PARN: variants seen among roughly 807,000 people sequenced by gnomAD.
PARN encodes the protein poly(A)-specific ribonuclease PARN.
PARN carries 71 observed loss-of-function variants against 102.8 expected under a neutral mutation model. The observed-to-expected ratio is 0.69, with a 90% CI of 0.57 to 0.84. The LOEUF is 0.84. Among genes scored for constraint, PARN ranks in the 40% least tolerant of loss-of-function variants. The probability of loss-of-function intolerance (pLI) is 0.00; values close to 1 mark genes in which losing one functional copy is unlikely to be tolerated. For synonymous variants in PARN, 261 were observed against 252.9 expected, an observed-to-expected ratio of 1.03 and a Z score of -0.30; for missense variants, 782 against 760.9, an observed-to-expected ratio of 1.03 and a Z score of -0.33.
At chr16:14,550,926 T>A (rs769433401) in intron 21 of PARN, among the ~76,000 whole-genome samples, 2 of 152,032 alleles carry the variant, frequency 1.3e-5, no homozygotes, top group Non-Finnish European at 2.9e-5. Flanking sequence ...TTATTTAGGA[T>A]CCTACAAGAG....
chr16:14,574,936 T>C (rs1448377379), intron 18 of PARN, among the ~76,000 whole-genome samples: 1 of 152,164 alleles, frequency 6.6e-6, no homozygotes, highest in African/African-American at 2.4e-5. Flanking sequence ...CAGCCATGAC[T>C]AAAAGTGGCC....
chr16:14,450,089 C>A (rs180748910), intron 22 of PARN, among the ~76,000 whole-genome samples: 2 of 152,134 alleles, frequency 1.3e-5, no homozygotes, highest in African/African-American at 4.8e-5. Context: ...TGGTTGAATA[C>A]GCAACAGTAC....
Position 14,446,007 on chromosome 16 carries a change from T to A in PARN, c.1864+881A>T, listed in dbSNP as rs143910558. Among the ~76,000 whole-genome samples the A allele has an allele frequency of 1.0e-3, 155 of 152,368 alleles. 1 individual carries two copies. Among genetic ancestry groups the A allele is most frequent in the African/African-American group, 3.4e-3 (142 of 41,586 alleles). On this transcript the variant is annotated intron_variant, in intron 23 of 23. Transcript: ENST00000437198. Reference sequence around the variant, plus strand: ...TAAATGAAAGAATTTCAGTTACACATTAAGCACTGTCCTGGCTCCAGTAAT... The same window carrying A: ...TAAATGAAAGAATTTCAGTTACACAATAAGCACTGTCCTGGCTCCAGTAAT...
rs56768991 is a variant in PARN, at chr16:14,470,437, GATTATT to G, written c.1670+12195_1670+12200del. Among the ~76,000 whole-genome samples, 123 of 147,158 alleles carry G rather than the reference GATTATT, an allele frequency of 8.4e-4. 1 individual carries two copies. The highest frequency in any genetic ancestry group is 7.1e-3 in the Middle Eastern group (2 of 280). On this transcript the variant is annotated intron_variant, in intron 22 of 23. Transcript: ENST00000437198. ...ACTATAGAAATCTTAGAGTTTGGAT[GATTATT>G]ATTATTATTATTATTATTATTATTA...
chr16:14,536,737 C>T lies in PARN; in HGVS notation c.1480+15284G>A, dbSNP rs141432569. On this transcript the variant is annotated intron_variant, in intron 21 of 23. Transcript: ENST00000437198. ...TAATAAAAATAAGTGGTATGTGAAA[C>T]GCTTGTGACATGATTAATTAAAAAA... is the stretch of plus-strand genomic sequence containing the variant. Among the ~76,000 whole-genome samples, 97 of 152,158 alleles carry T rather than the reference C, an allele frequency of 6.4e-4. 1 individual carries two copies. Among genetic ancestry groups the T allele is most frequent in the African/African-American group, 2.0e-3 (82 of 41,504 alleles).
chr16:14,466,644 T>C (rs1468864077), intron 22 of PARN, among the ~76,000 whole-genome samples: 2 of 152,186 alleles, frequency 1.3e-5, no homozygotes, highest in South Asian at 2.1e-4. Context: ...AAGAATACAT[T>C]ACATTTCTTC....
rs867033827 is a variant in PARN at position 14,456,927 on chromosome 16, G to A, written c.1671-9846C>T. ...CGCCTCTGCCTTGCCTCTTATTTATGTCCTTACTTATCTATTCTCTCTCTC... is the reference window on the plus strand; with the variant it reads ...CGCCTCTGCCTTGCCTCTTATTTATATCCTTACTTATCTATTCTCTCTCTC... On this transcript the variant is annotated intron_variant, in intron 22 of 23. Coordinates refer to ENST00000437198, the MANE Select transcript of PARN (RefSeq NM_002582.4). Among the ~76,000 whole-genome samples the A allele has an allele frequency of 4.6e-5, 7 of 152,172 alleles. No individual in the cohort carries two copies. The East Asian group carries it at 1.4e-3, about 29-fold the overall frequency.
chr16:14,618,648 G>T (rs1972087042), intron 5 of PARN, among the ~76,000 whole-genome samples: 1 of 144,860 alleles, frequency 6.9e-6, no homozygotes, highest in Non-Finnish European at 1.5e-5. Flanking sequence ...GAGAGAGCAA[G>T]ACTGTCTCAA....
intron 12 of PARN, among the ~76,000 whole-genome samples, chr16:14,595,070 C>A (rs1970418106): frequency 1.3e-5 from 2 of 152,178 alleles, no homozygotes; most frequent in South Asian, 4.1e-4. Flanking sequence ...TGACTAGATA[C>A]TGTAAGGCTA....
intron 13 of PARN, among the ~76,000 whole-genome samples, chr16:14,587,122 A>T (rs1484851249): frequency 2.0e-5 from 3 of 152,200 alleles, no homozygotes; most frequent in African/African-American, 7.2e-5. Flanking sequence ...CTTCATAGGA[A>T]ACTGCTGTTT....
intron 21 of PARN, among the ~76,000 whole-genome samples, chr16:14,521,991 A>C (rs1965759498): frequency 6.6e-6 from 1 of 152,232 alleles, no homozygotes; most frequent in Non-Finnish European, 1.5e-5. Context: ...GCAGCCTAGA[A>C]GCAACAGGCT....
At chr16:14,485,195 T>C (rs1963601191) in intron 21 of PARN, among the ~76,000 whole-genome samples, 1 of 151,930 alleles carries the variant, frequency 6.6e-6, no homozygotes, top group African/African-American at 2.4e-5. Context: ...TCTGGAGATG[T>C]GCTATTGAGT....
chr16:14,543,263 A>C (rs548214820), intron 21 of PARN, among the ~76,000 whole-genome samples: 13 of 152,326 alleles, frequency 8.5e-5, no homozygotes, highest in African/African-American at 3.1e-4. Context: ...TTTTCAGATA[A>C]AGAAAAAATT....
rs530580543 is a variant in PARN at position 14,462,407 on chromosome 16, C to T, written c.1671-15326G>A. 6.6e-5 allele frequency among the ~76,000 whole-genome samples: 10 copies of T among 151,896 alleles called. No homozygotes were observed. The South Asian group carries it at 1.0e-3, about 16-fold the overall frequency. On this transcript the variant is annotated intron_variant, in intron 22 of 23. Coordinates refer to ENST00000437198, the MANE Select transcript of PARN (RefSeq NM_002582.4). ...AATCCAGGAAACCGACATTTAACCA[C>T]GGGAGTTCCAGAAAGAAAGAAGAGA...
At chr16:14,537,075 C>T (rs1567359974) in intron 21 of PARN, among the ~76,000 whole-genome samples, 1 of 152,074 alleles carries the variant, frequency 6.6e-6, no homozygotes, top group Non-Finnish European at 1.5e-5. Context: ...TATACAAGAA[C>T]TCAGACAATT....
chr16:14,586,932 T>C (rs528081335), intron 13 of PARN, among the ~76,000 whole-genome samples: 33 of 152,244 alleles, frequency 2.2e-4, no homozygotes, highest in Non-Finnish European at 4.0e-4. Context: ...GTGGCACTAA[T>C]AGCAAGTGCC....
At chr16:14,508,709 T>C (rs538381383) in intron 21 of PARN, among the ~76,000 whole-genome samples, 1 of 150,914 alleles carries the variant, frequency 6.6e-6, no homozygotes. Context: ...GATAGAATTT[T>C]AAAATTATTC....
chr16:14,589,748 T>C (rs1028921425), intron 13 of PARN, among the ~76,000 whole-genome samples: 14 of 150,660 alleles, frequency 9.3e-5, no homozygotes, highest in African/African-American at 3.2e-4. Context: ...CGCCTGTTAA[T>C]TCTAGCTACT....
At chr16:14,555,578 T>G (rs1030804294) in intron 19 of PARN, 76 bp downstream of exon 19, 4 of 628,176 alleles carry the variant, frequency 6.4e-6, no homozygotes, top group Non-Finnish European at 7.9e-6. Context: ...TTTTCTTTAG[T>G]AATATTTTCC....
Sources: gnomAD v4.1 joint callset for allele counts (sites outside exome capture counted in the v4.1 genomes callset) on GRCh38, gnomAD v4.1.1 for gene constraint, MANE v1.5 for transcripts, NCBI Gene and HGNC (gene_info 2026-07-23, HGNC 2026-07-21) for gene names.